Variants in XKR4 observed in about 807,000 individuals in gnomAD.
XKR4 encodes the protein XK-related protein 4.
A neutral mutation model predicts 53.9 loss-of-function variants in XKR4; 12 were observed. The observed-to-expected ratio is 0.22, with a 90% CI of 0.14 to 0.36. The LOEUF is 0.36. Ranked by LOEUF, XKR4 falls within the 10% of genes least tolerant of loss-of-function variation. The pLI is 1.00. For synonymous variants in XKR4, 354 were observed against 362.4 expected, an observed-to-expected ratio of 0.98 and a Z score of 0.26; for missense variants, 799 against 859.5, an observed-to-expected ratio of 0.93 and a Z score of 0.88.
rs1365352291 is a variant in XKR4 at position 55,463,514 on chromosome 8, G to C, written c.1007-59767G>C. The stretch of plus-strand genomic sequence containing the variant: ...AATTTATAGCACTAAATGCCCACAA[G>C]AGAAAGTAGGAAAGATCGAAAATTG... On this transcript the variant is annotated intron_variant, in intron 2 of 2. Coordinates refer to ENST00000327381, the MANE Select transcript of XKR4 (RefSeq NM_052898.2). Among the ~76,000 whole-genome samples the C allele has an allele frequency of 3.0e-4, 45 of 151,834 alleles. No individual in the cohort carries two copies. In the South Asian group the frequency reaches 3.8e-3, roughly 13 times the overall value.
intron 1 of XKR4, among the ~76,000 whole-genome samples, chr8:55,171,763 G>A (rs148911565): frequency 2.0e-5 from 3 of 152,072 alleles, no homozygotes; most frequent in African/African-American, 7.2e-5. Flanking sequence ...TGACAGCCTG[G>A]TCATAAGCCA....
intron 2 of XKR4, chr8:55,454,115 G>T: frequency 1.2e-6 from 1 of 837,580 alleles, no homozygotes. Context: ...CATGGGTGGA[G>T]GGAAGGCGAG....
chr8:55,221,790 G>A (rs573141302), intron 1 of XKR4, among the ~76,000 whole-genome samples: 9 of 152,150 alleles, frequency 5.9e-5, no homozygotes, highest in East Asian at 1.9e-4. Flanking sequence ...GGGTCTCACC[G>A]GACAAGCTTT....
intron 1 of XKR4, among the ~76,000 whole-genome samples, chr8:55,330,448 C>T (rs902735320): frequency 1.3e-5 from 2 of 152,064 alleles, no homozygotes; most frequent in African/African-American, 4.8e-5. Context: ...AATCAATTAT[C>T]ACTTGTGTAA....
intron 2 of XKR4, chr8:55,454,334 A>C (rs776566841): frequency 2.3e-5 from 35 of 1,502,524 alleles, no homozygotes; most frequent in Middle Eastern, 1.8e-4. Context: ...GGGTGTGCTG[A>C]GGGCCTCCAG....
At chr8:55,120,973 G>A (rs756894738) in intron 1 of XKR4, among the ~76,000 whole-genome samples, 8 of 152,172 alleles carry the variant, frequency 5.3e-5, no homozygotes, top group Non-Finnish European at 1.2e-4. Context: ...ATAGTATGTA[G>A]CCTTTGCAGA....
rs145792494 is a variant in XKR4 at position 55,396,768 on chromosome 8, A to G, written c.1006+38891A>G. On this transcript the variant is annotated intron_variant, in intron 2 of 2. Coordinates refer to ENST00000327381, the MANE Select transcript of XKR4 (RefSeq NM_052898.2). ...GCATTCCAGCCTTGTTTGTTTTTTA[A>G]AATAAATTAGTGAGGCTTAACAGTA... Among the ~76,000 whole-genome samples the G allele has an allele frequency of 3.6e-3, 550 of 152,292 alleles. 1 individual carries two copies. The highest frequency in any genetic ancestry group is 0.012 in the African/African-American group (516 of 41,548).
intron 1 of XKR4, among the ~76,000 whole-genome samples, chr8:55,335,571 T>C (rs1223129110): frequency 6.6e-6 from 1 of 152,226 alleles, no homozygotes; most frequent in African/African-American, 2.4e-5. Context: ...ATCCCACTTA[T>C]AGTTATTTAT....
rs557529507 is a variant in XKR4, at chr8:55,231,155, T to G, written c.807-126523T>G. On this transcript the variant is annotated intron_variant, in intron 1 of 2. Coordinates refer to ENST00000327381, the MANE Select transcript of XKR4 (RefSeq NM_052898.2). The stretch of plus-strand genomic sequence containing the variant: ...TCTAATTAAAGGTGGTATCTATATG[T>G]GCACTTAAATCTAGCTTTCTGTCTC... Among the ~76,000 whole-genome samples the G allele has an allele frequency of 3.8e-4, 58 of 152,336 alleles. 1 individual carries two copies. In the South Asian group the frequency reaches 0.012, roughly 30 times the overall value.
At chr8:55,373,748 T>A (rs940601390) in intron 2 of XKR4, among the ~76,000 whole-genome samples, 1 of 152,216 alleles carries the variant, frequency 6.6e-6, no homozygotes, top group Non-Finnish European at 1.5e-5. Flanking sequence ...CAAAACACTT[T>A]GTCACATCTT....
chr8:55,383,584 T>G (rs1179081990), intron 2 of XKR4, among the ~76,000 whole-genome samples: 1 of 152,224 alleles, frequency 6.6e-6, no homozygotes, highest in African/African-American at 2.4e-5. Flanking sequence ...ATTTGAAATT[T>G]GCTAAAATGA....
At chr8:55,333,932 A>T (rs1173593732) in intron 1 of XKR4, among the ~76,000 whole-genome samples, 1 of 152,246 alleles carries the variant, frequency 6.6e-6, no homozygotes, top group East Asian at 1.9e-4. Context: ...TAATGAGGAG[A>T]TTGGTTGCTG....
intron 2 of XKR4, among the ~76,000 whole-genome samples, chr8:55,381,512 G>T (rs1804232131): frequency 6.6e-6 from 1 of 152,190 alleles, no homozygotes; most frequent in Non-Finnish European, 1.5e-5. Context: ...TCCTGGAGTT[G>T]AAAGGCCATG....
intron 2 of XKR4, among the ~76,000 whole-genome samples, chr8:55,510,693 C>T (rs1341380913): frequency 6.6e-6 from 1 of 152,222 alleles, no homozygotes; most frequent in Non-Finnish European, 1.5e-5. Context: ...CAGCAAGTTA[C>T]TCTCCTCTCC....
At chr8:55,307,634 A>G (rs556492020) in intron 1 of XKR4, among the ~76,000 whole-genome samples, 171 of 152,242 alleles carry the variant, frequency 1.1e-3, no homozygotes, top group African/African-American at 3.8e-3. Context: ...AGCCTGGGTG[A>G]CAATGAGGCC....
In XKR4 at chr8:55,410,708, A is replaced by G. The variant is rs148374747; in HGVS notation, c.1006+52831A>G. ...CTCCCTGCCCCAATCTCTCTTACCT[A>G]AATCCACCTCCTGACATCCAGGTTT... is the stretch of plus-strand genomic sequence containing the variant. On this transcript the variant is annotated intron_variant, in intron 2 of 2. Transcript: ENST00000327381. Among the ~76,000 whole-genome samples the G allele has an allele frequency of 4.0e-5, 6 of 151,714 alleles. No homozygotes were observed. In the East Asian group the frequency reaches 1.2e-3, roughly 30 times the overall value.
At chr8:55,474,441 A>G (rs138028962) in intron 2 of XKR4, among the ~76,000 whole-genome samples, 1 of 152,186 alleles carries the variant, frequency 6.6e-6, no homozygotes, top group African/African-American at 2.4e-5. Context: ...GTGCACACAC[A>G]TATACACACA....
At chr8:55,236,732 T>C (rs980220424) in intron 1 of XKR4, among the ~76,000 whole-genome samples, 1 of 152,076 alleles carries the variant, frequency 6.6e-6, no homozygotes, top group African/African-American at 2.4e-5. Flanking sequence ...TTCTCCTGTT[T>C]CTCTTTGAAT....
intron 2 of XKR4, among the ~76,000 whole-genome samples, chr8:55,407,451 C>T (rs1330687506): frequency 1.3e-5 from 2 of 152,244 alleles, no homozygotes; most frequent in Non-Finnish European, 2.9e-5. Flanking sequence ...GTGTCACCTA[C>T]AGGGTCCCGC....
Sources: allele counts gnomAD v4.1 joint callset (sites outside exome capture counted in the v4.1 genomes callset), GRCh38; gene constraint gnomAD v4.1.1; transcripts MANE v1.5; gene names NCBI Gene and HGNC (gene_info 2026-07-23, HGNC 2026-07-21).